Variants in ME1 observed in about 807,000 individuals in gnomAD.
The protein encoded by ME1 is NADP-dependent malic enzyme.
A neutral mutation model predicts 66.4 loss-of-function variants in ME1; 74 were observed. The ratio of observed to expected loss-of-function variants is 1.11; its 90% confidence interval spans 0.92 to 1.35. The LOEUF is 1.35. Ranked by LOEUF, ME1 falls within the 40% of genes most tolerant of loss-of-function variation. The pLI is 0.00. For missense variants in ME1, 750 were observed against 694.1 expected (o/e 1.08, Z -0.90); for synonymous variants, 251 against 235.6 (o/e 1.07, Z -0.60).
intron 6 of ME1, among the ~76,000 whole-genome samples, chr6:83,284,269 A>C (rs1185551803): frequency 3.9e-5 from 6 of 152,124 alleles, no homozygotes; most frequent in African/African-American, 1.2e-4. Flanking sequence ...AAAATCCCCC[A>C]AAAACCCAGA....
chr6:83,398,479 T>C lies in ME1; in HGVS notation c.250A>G (p.Lys84Glu), dbSNP rs770637179. The C allele has an allele frequency of 2.3e-5, 37 of 1,577,238 alleles. No individual in the cohort carries two copies. Among genetic ancestry groups the C allele is most frequent in the Non-Finnish European group, 2.9e-5 (34 of 1,157,128 alleles). Residue 84 changes from lysine to glutamate, a missense_variant, in exon 3 of 14, where the codon AAA (lysine) becomes GAA (glutamate). Coordinates refer to ENST00000369705, the MANE Select transcript of ME1 (RefSeq NM_002395.6). ...LLMDLQDRNEKLFYRVLTSDI... is the reference protein window; with the variant it reads ...LLMDLQDRNEELFYRVLTSDI... ...GATGTCAGCACTCTATAAAAGAGTT[T>C]TTCATTTCTATCTTGGAGATCCATT...
At chr6:83,247,537 AAAAAG>A (rs1790647039) in intron 7 of ME1, among the ~76,000 whole-genome samples, 1 of 152,118 alleles carries the variant, frequency 6.6e-6, no homozygotes, top group Admixed American at 6.5e-5. Context: ...GTTTAAAAAA[AAAAAG>A]AAAAGAGTCC....
chr6:83,386,536 A>G (rs1353654092), intron 3 of ME1, among the ~76,000 whole-genome samples: 1 of 151,880 alleles, frequency 6.6e-6, no homozygotes, highest in East Asian at 1.9e-4. Flanking sequence ...TGGTCCATGA[A>G]AAAAGGCTAG....
intron 1 of ME1, among the ~76,000 whole-genome samples, chr6:83,428,325 C>T (rs1331441166): frequency 6.6e-6 from 1 of 152,106 alleles, no homozygotes; most frequent in Non-Finnish European, 1.5e-5. Flanking sequence ...GAAATAATAA[C>T]ATACTATAAA....
chr6:83,290,167 T>C (rs1388838722), intron 6 of ME1, among the ~76,000 whole-genome samples: 1 of 152,208 alleles, frequency 6.6e-6, no homozygotes, highest in Non-Finnish European at 1.5e-5. Context: ...CGTCTTCTGC[T>C]AGCTTTTGAA....
chr6:83,266,907 G>C (rs1766999550), intron 6 of ME1, among the ~76,000 whole-genome samples: 1 of 152,044 alleles, frequency 6.6e-6, no homozygotes, highest in Non-Finnish European at 1.5e-5. Flanking sequence ...TAATTGTTTT[G>C]ACTTCCTTTC....
intron 5 of ME1, among the ~76,000 whole-genome samples, chr6:83,324,955 C>T (rs1768258827): frequency 6.6e-6 from 1 of 151,884 alleles, no homozygotes. Flanking sequence ...AACATTGACA[C>T]AAAAGTCCTC....
chr6:83,428,647 A>G (rs565812577), intron 1 of ME1, among the ~76,000 whole-genome samples: 7 of 152,336 alleles, frequency 4.6e-5, no homozygotes, highest in African/African-American at 1.7e-4. Flanking sequence ...TGAATGTATG[A>G]CAGATGAAGA....
intron 7 of ME1, among the ~76,000 whole-genome samples, chr6:83,244,006 A>G (rs1442443934): frequency 6.6e-6 from 1 of 150,760 alleles, no homozygotes; most frequent in Non-Finnish European, 1.5e-5. Flanking sequence ...CATTTTCTGG[A>G]AAGGGTCATT....
chr6:83,360,963 T>G (rs1296516956), intron 3 of ME1, among the ~76,000 whole-genome samples: 1 of 152,202 alleles, frequency 6.6e-6, no homozygotes, highest in Non-Finnish European at 1.5e-5. Context: ...CAGAAGAAAT[T>G]TGCCTTCAGC....
intron 1 of ME1, among the ~76,000 whole-genome samples, chr6:83,420,147 A>C (rs1374341178): frequency 6.6e-6 from 1 of 152,056 alleles, no homozygotes; most frequent in African/African-American, 2.4e-5. Context: ...GGTTCACTGC[A>C]ACCTTCACCT....
At chr6:83,360,840 C>T (rs1768995434) in intron 3 of ME1, among the ~76,000 whole-genome samples, 1 of 152,226 alleles carries the variant, frequency 6.6e-6, no homozygotes, top group Non-Finnish European at 1.5e-5. Context: ...GCTGCTGTAC[C>T]TGTACCAGAT....
At chr6:83,348,428 A>G (rs1768728316) in intron 4 of ME1, among the ~76,000 whole-genome samples, 1 of 152,278 alleles carries the variant, frequency 6.6e-6, no homozygotes, top group Admixed American at 6.5e-5. Context: ...TGGCCTGCCT[A>G]TACTTACAAA....
intron 5 of ME1, among the ~76,000 whole-genome samples, chr6:83,321,998 A>G (rs1768186688): frequency 6.6e-6 from 1 of 152,238 alleles, no homozygotes; most frequent in Admixed American, 6.5e-5. Flanking sequence ...CGCTGGTGAC[A>G]CTAAGGTAAA....
intron 6 of ME1, among the ~76,000 whole-genome samples, chr6:83,277,294 C>CT (rs1467730774): frequency 6.6e-6 from 1 of 152,220 alleles, no homozygotes; most frequent in Non-Finnish European, 1.5e-5. Flanking sequence ...TACACAACTT[C>CT]TTTTATAACA....
intron 3 of ME1, among the ~76,000 whole-genome samples, chr6:83,378,556 C>T (rs139552336): frequency 6.6e-6 from 1 of 151,894 alleles, no homozygotes; most frequent in Non-Finnish European, 1.5e-5. Context: ...TAATCTTTGC[C>T]GAAGACAGTT....
chr6:83,349,704 T>A (rs1318044734), intron 4 of ME1, among the ~76,000 whole-genome samples: 1 of 152,234 alleles, frequency 6.6e-6, no homozygotes, highest in Non-Finnish European at 1.5e-5. Context: ...ATATTACTTA[T>A]ATAATTTCCT....
At chr6:83,348,244 C>G (rs1352212017) in intron 4 of ME1, among the ~76,000 whole-genome samples, 1 of 152,138 alleles carries the variant, frequency 6.6e-6, no homozygotes, top group African/African-American at 2.4e-5. Context: ...CTGCAGATAA[C>G]TATAACTTTG....
rs12662214 is a variant in ME1, at chr6:83,280,618, T to G, written c.705-26880A>C. Reference sequence around the variant, plus strand: ...AGCTACTTATATTTCACATTTTGTCTCCACTAACTGCTCCTTTTGCTGCCC... The same window carrying G: ...AGCTACTTATATTTCACATTTTGTCGCCACTAACTGCTCCTTTTGCTGCCC... On this transcript the variant is annotated intron_variant, in intron 6 of 13. Transcript: ENST00000369705. Among the ~76,000 whole-genome samples, 275 of 152,342 alleles carry G rather than the reference T, an allele frequency of 1.8e-3. 5 individuals carry two copies. The East Asian group carries it at 0.042, about 23-fold the overall frequency.
Sources: gnomAD v4.1 joint callset for allele counts (sites outside exome capture counted in the v4.1 genomes callset) on GRCh38, gnomAD v4.1.1 for gene constraint, MANE v1.5 for transcripts, NCBI Gene and HGNC (gene_info 2026-07-23, HGNC 2026-07-21) for gene names.